Variants in KLF12 observed in about 807,000 individuals in gnomAD.
KLF12 encodes the protein KLF transcription factor 12.
KLF12 carries 9 observed loss-of-function variants against 37.8 expected under a neutral mutation model. That is an observed-to-expected ratio of 0.24 (90% confidence interval 0.14 to 0.42). The LOEUF (loss-of-function observed/expected upper bound fraction) is 0.42, where lower values mean the gene tolerates loss of function less well. Among genes scored for constraint, KLF12 ranks in the 10% least tolerant of loss-of-function variants. The pLI, the probability that KLF12 is intolerant of heterozygous loss-of-function variation, is 1.00. For synonymous variants in KLF12, 208 were observed against 202.1 expected (o/e 1.03, Z -0.25); for missense variants, 411 against 516.0 (o/e 0.80, Z 1.97).
At chr13:74,275,862 CTTTCTA>C in the KLF12 span, among the ~76,000 whole-genome samples, 2 of 104,648 alleles carry the variant, frequency 1.9e-5, no homozygotes, top group African/African-American at 3.9e-5. Context: ...TTCTTTCTTT[CTTTCTA>C]TCTTTCTTTC....
intron 4 of KLF12, among the ~76,000 whole-genome samples, chr13:73,843,684 A>G (rs1481530199): frequency 6.6e-6 from 1 of 152,172 alleles, no homozygotes; most frequent in South Asian, 2.1e-4. Flanking sequence ...CACTAATAAA[A>G]ATGAAGATTA....
At chr13:74,277,661 T>C in the KLF12 span, among the ~76,000 whole-genome samples, 4 of 152,200 alleles carry the variant, frequency 2.6e-5, no homozygotes, top group African/African-American at 9.6e-5. Flanking sequence ...CAATGAATTC[T>C]ATAGGGCTAT....
intron 3 of KLF12, among the ~76,000 whole-genome samples, chr13:73,880,825 T>C (rs2138948130): frequency 6.6e-6 from 1 of 152,322 alleles, no homozygotes; most frequent in South Asian, 2.1e-4. Context: ...ACCAAACTGT[T>C]ATTAAATGGA....
At chr13:73,838,141 G>A (rs1884539731) in intron 4 of KLF12, among the ~76,000 whole-genome samples, 2 of 144,082 alleles carry the variant, frequency 1.4e-5, no homozygotes, top group African/African-American at 4.9e-5. Context: ...TGCATCAACG[G>A]GACAGAACCT....
At chr13:74,193,269 A>C in the KLF12 span, among the ~76,000 whole-genome samples, 2 of 152,106 alleles carry the variant, frequency 1.3e-5, no homozygotes, top group Non-Finnish European at 2.9e-5. Context: ...TGTGAGCCAC[A>C]GTGCCCAGCC....
chr13:74,063,477 C>T, intron 1 of KLF12, among the ~76,000 whole-genome samples: 1 of 152,136 alleles, frequency 6.6e-6, no homozygotes, highest in East Asian at 1.9e-4. Flanking sequence ...TATCTTAGGG[C>T]CAAATATCTT....
chr13:73,799,887 C>T (rs1882194538), intron 5 of KLF12, among the ~76,000 whole-genome samples: 1 of 152,078 alleles, frequency 6.6e-6, no homozygotes, highest in Non-Finnish European at 1.5e-5. Context: ...AGAATGGATG[C>T]AGAATTGAAG....
intron 3 of KLF12, among the ~76,000 whole-genome samples, chr13:73,942,724 G>A (rs1890242390): frequency 2.0e-5 from 3 of 152,146 alleles, no homozygotes; most frequent in Admixed American, 2.0e-4. Flanking sequence ...ATTATATCAT[G>A]TATAGGACTG....
At chr13:74,223,197 A>G in the KLF12 span, among the ~76,000 whole-genome samples, 2 of 152,210 alleles carry the variant, frequency 1.3e-5, no homozygotes, top group African/African-American at 4.8e-5. Context: ...TTATGAGTAA[A>G]CAATAGTATT....
At chr13:73,966,394 A>G (rs1891172772) in intron 2 of KLF12, among the ~76,000 whole-genome samples, 1 of 152,226 alleles carries the variant, frequency 6.6e-6, no homozygotes, top group African/African-American at 2.4e-5. Context: ...AAGAAAAAAA[A>G]GTAAAAGTTT....
At chr13:74,109,430 G>C (rs928396437) in intron 1 of KLF12, among the ~76,000 whole-genome samples, 1 of 151,478 alleles carries the variant, frequency 6.6e-6, no homozygotes, top group African/African-American at 2.4e-5. Context: ...AGATATATAA[G>C]GTTTCCCAAC....
intron 3 of KLF12, among the ~76,000 whole-genome samples, chr13:73,867,628 T>C (rs1886244491): frequency 6.6e-6 from 1 of 151,972 alleles, no homozygotes; most frequent in East Asian, 1.9e-4. Context: ...TTAACAAACT[T>C]ATCTTACTTA....
intron 5 of KLF12, among the ~76,000 whole-genome samples, chr13:73,808,466 T>C (rs1882761617): frequency 6.6e-6 from 1 of 152,182 alleles, no homozygotes; most frequent in Non-Finnish European, 1.5e-5. Context: ...CATAAATCTA[T>C]GTAAACAGAG....
the KLF12 span, among the ~76,000 whole-genome samples, chr13:74,299,127 C>T: frequency 6.6e-6 from 1 of 152,190 alleles, no homozygotes; most frequent in Non-Finnish European, 1.5e-5. Context: ...TGCAAAGGCC[C>T]TGAGGCTGAC....
At chr13:74,043,244 C>T (rs1027640453) in intron 1 of KLF12, among the ~76,000 whole-genome samples, 10 of 152,270 alleles carry the variant, frequency 6.6e-5, no homozygotes, top group African/African-American at 2.4e-4. Flanking sequence ...TTAAATGTTT[C>T]AAACCTCAAA....
At chr13:74,090,001 A>C (rs115807313) in intron 1 of KLF12, among the ~76,000 whole-genome samples, 92 of 152,074 alleles carry the variant, frequency 6.0e-4, no homozygotes, top group African/African-American at 2.2e-3. Flanking sequence ...GGAAGAATAA[A>C]ACTCTATTTG....
At chr13:74,024,997 GA>G (rs937699770) in intron 1 of KLF12, among the ~76,000 whole-genome samples, 18 of 151,738 alleles carry the variant, frequency 1.2e-4, no homozygotes, top group African/African-American at 1.9e-4. Context: ...AGCTCAGAGA[GA>G]AAAAAAATCT....
intron 2 of KLF12, among the ~76,000 whole-genome samples, chr13:73,968,745 A>G (rs1891242473): frequency 6.6e-6 from 1 of 152,194 alleles, no homozygotes; most frequent in East Asian, 1.9e-4. Context: ...TATTTTCTAG[A>G]GTCCCTAACA....
chr13:74,051,121 G>GT lies in KLF12; in HGVS notation c.-31-56069dup, dbSNP rs541081917. ...TACAACAGCCATTACAGAAAAGTGTGTAAGTTCTTCAAAAGTTAAAAACAG... is the reference window on the plus strand; with the variant it reads ...TACAACAGCCATTACAGAAAAGTGTGTTAAGTTCTTCAAAAGTTAAAAACAG... On this transcript the variant is annotated intron_variant, in intron 1 of 7. Transcript: ENST00000377669. 4.6e-5 allele frequency among the ~76,000 whole-genome samples: 7 copies of GT among 152,290 alleles called. No individual in the cohort carries two copies. The East Asian group carries it at 9.6e-4, about 21-fold the overall frequency.
Sources: allele counts gnomAD v4.1 joint callset (sites outside exome capture counted in the v4.1 genomes callset), GRCh38; gene constraint gnomAD v4.1.1; transcripts MANE v1.5; gene names NCBI Gene and HGNC (gene_info 2026-07-23, HGNC 2026-07-21).